Variants in DEPTOR observed in about 807,000 individuals in gnomAD.
The protein encoded by DEPTOR is DEP domain-containing mTOR-interacting protein.
DEPTOR carries 41 observed loss-of-function variants against 41.6 expected under a neutral mutation model. That is an observed-to-expected ratio of 0.98 (90% CI 0.77 to 1.28). The LOEUF is 1.28. Ranked by LOEUF, DEPTOR falls within the 50% of genes most tolerant of loss-of-function variation. The probability of loss-of-function intolerance (pLI) is 0.00; values close to 1 mark genes in which losing one functional copy is unlikely to be tolerated. For missense variants in DEPTOR, 514 were observed against 527.9 expected, an observed-to-expected ratio of 0.97 and a Z score of 0.26; for synonymous variants, 195 against 192.3, an observed-to-expected ratio of 1.01 and a Z score of -0.12.
At chr8:120,038,089 C>T (rs1482161412) in intron 8 of DEPTOR, among the ~76,000 whole-genome samples, 1 of 146,926 alleles carries the variant, frequency 6.8e-6, no homozygotes, top group Non-Finnish European at 1.5e-5. Context: ...CAACATGATG[C>T]AACCCCTGTC....
chr8:119,991,080 TTC>T (rs1812160377), intron 4 of DEPTOR, among the ~76,000 whole-genome samples: 2 of 75,888 alleles, frequency 2.6e-5, no homozygotes, highest in Admixed American at 1.6e-4. Context: ...CTTTCTTTCT[TTC>T]TTTCTTTTTC....
At chr8:120,044,235 C>G (rs1475931940) in intron 8 of DEPTOR, among the ~76,000 whole-genome samples, 1 of 151,750 alleles carries the variant, frequency 6.6e-6, no homozygotes, top group African/African-American at 2.4e-5. Context: ...AAGTGATTCT[C>G]CTGCCTCAGC....
At chr8:120,049,514 T>G in intron 8 of DEPTOR, 62 bp from the exon 9 acceptor site, 1 of 1,581,070 alleles carries the variant, frequency 6.3e-7, no homozygotes, top group Non-Finnish European at 8.6e-7. Context: ...ACTGTCTTTA[T>G]TAAAGCTTTG....
intron 8 of DEPTOR, among the ~76,000 whole-genome samples, chr8:120,041,218 G>A (rs1189816826): frequency 1.3e-5 from 2 of 152,162 alleles, no homozygotes; most frequent in Non-Finnish European, 2.9e-5. Flanking sequence ...AATCATAGGT[G>A]TAGTGTTTCT....
intron 1 of DEPTOR, among the ~76,000 whole-genome samples, chr8:119,894,791 C>T (rs1028658579): frequency 3.9e-5 from 6 of 152,126 alleles, no homozygotes; most frequent in African/African-American, 1.2e-4. Context: ...GGGAATTGGA[C>T]TTTCATAGAA....
chr8:119,966,736 C>T (rs4871818), intron 4 of DEPTOR, among the ~76,000 whole-genome samples: 7,624 of 152,152 alleles, frequency 0.05, 297 homozygotes, highest in South Asian at 0.17. Context: ...CTTGGCCTCC[C>T]GAAGAACTGG....
intron 8 of DEPTOR, among the ~76,000 whole-genome samples, chr8:120,034,599 C>T (rs1171985690): frequency 1.3e-5 from 2 of 151,840 alleles, no homozygotes; most frequent in African/African-American, 4.8e-5. Context: ...AGGCGCCAGC[C>T]ACCACGCCTG....
chr8:119,901,537 G>A (rs929249909), intron 1 of DEPTOR, among the ~76,000 whole-genome samples: 1 of 152,058 alleles, frequency 6.6e-6, no homozygotes, highest in African/African-American at 2.4e-5. Context: ...TTAGCTGTGT[G>A]TGGTGGCATG....
chr8:119,879,914 C>T (rs980219952), intron 1 of DEPTOR, among the ~76,000 whole-genome samples: 6 of 152,066 alleles, frequency 3.9e-5, no homozygotes, highest in African/African-American at 1.2e-4. Context: ...TAGGCTGAGG[C>T]GAGTGGATCA....
chr8:119,933,832 CTG>C (rs1828075880), intron 3 of DEPTOR, among the ~76,000 whole-genome samples: 1 of 152,056 alleles, frequency 6.6e-6, no homozygotes, highest in African/African-American at 2.4e-5. Context: ...TGGTTTCTGA[CTG>C]AGGTTTTGCT....
At chr8:120,000,442 A>G (rs1293135132) in intron 4 of DEPTOR, among the ~76,000 whole-genome samples, 1 of 152,026 alleles carries the variant, frequency 6.6e-6, no homozygotes, top group Non-Finnish European at 1.5e-5. Context: ...CTGTAAGTCT[A>G]TAATTATTTC....
intron 1 of DEPTOR, among the ~76,000 whole-genome samples, chr8:119,878,623 G>T (rs577877943): frequency 2.0e-5 from 3 of 151,716 alleles, no homozygotes; most frequent in African/African-American, 7.3e-5. Context: ...CACCATGCCC[G>T]GCCAATCCTC....
chr8:119,924,805 C>T (rs1827943652), intron 1 of DEPTOR, among the ~76,000 whole-genome samples: 2 of 151,944 alleles, frequency 1.3e-5, no homozygotes, highest in Admixed American at 1.3e-4. Flanking sequence ...CTGCATATTG[C>T]AGGGGTTTGG....
At chr8:119,995,555 C>A (rs1157338768) in intron 4 of DEPTOR, among the ~76,000 whole-genome samples, 1 of 149,374 alleles carries the variant, frequency 6.7e-6, no homozygotes, top group Non-Finnish European at 1.5e-5. Context: ...CACTGCACTC[C>A]AGCCTGGGTG....
chr8:119,991,029 C>CTTTTCT (rs138668477), intron 4 of DEPTOR, among the ~76,000 whole-genome samples: 29 of 45,806 alleles, frequency 6.3e-4, no homozygotes, highest in Admixed American at 1.3e-3. Flanking sequence ...CTCGGGTTTT[C>CTTTTCT]TTTTCTTTCT....
At chr8:119,928,190 C>T (rs902528965) in intron 1 of DEPTOR, among the ~76,000 whole-genome samples, 4 of 152,108 alleles carry the variant, frequency 2.6e-5, no homozygotes, top group African/African-American at 9.7e-5. Flanking sequence ...GTTTCACCCT[C>T]ATATTTACCT....
Position 119,979,003 on chromosome 8 carries a change from A to G in DEPTOR, c.604+13593A>G, listed in dbSNP as rs939323602. 1.4e-4 allele frequency among the ~76,000 whole-genome samples: 21 copies of G among 152,168 alleles called. 1 individual carries two copies. The highest frequency in any genetic ancestry group is 4.8e-4 in the African/African-American group (20 of 41,544). ...CCCCACTCCAGCCAGGAATGGATAA[A>G]CAAGTCCAAGTATGTTAATGCCAGG... is the stretch of plus-strand genomic sequence containing the variant. On this transcript the variant is annotated intron_variant, in intron 4 of 8. Transcript: ENST00000286234.
chr8:119,943,423 T>G (rs963842772), intron 3 of DEPTOR, among the ~76,000 whole-genome samples: 3 of 151,988 alleles, frequency 2.0e-5, no homozygotes, highest in South Asian at 2.1e-4. Context: ...GTGAGAGAGA[T>G]AGTAGGAGGA....
Position 119,929,930 on chromosome 8 carries a change from A to T in DEPTOR, c.417A>T (p.Leu139=), listed in dbSNP as rs747352876. The change falls in exon 3 of 9, where the codon CTA becomes CTT. Residue 139 remains leucine (L), a synonymous_variant. Transcript: ENST00000286234. Reference sequence around the variant, plus strand: ...AGGCCTTTATGAGAGGACAGAGGCTATATGAAAAGTATGTTCCGCATGAAA... The same window carrying T: ...AGGCCTTTATGAGAGGACAGAGGCTTTATGAAAAGTATGTTCCGCATGAAA... The part of the protein sequence containing the change: ...EVKAFMRGQR[L]YEKLMSPENT... The T allele has an allele frequency of 6.2e-7, 1 of 1,611,958 alleles. No individual in the cohort carries two copies. Among genetic ancestry groups the T allele is most frequent in the Non-Finnish European group, 8.5e-7 (1 of 1,178,478 alleles).
Sources: gnomAD v4.1 joint callset for allele counts (sites outside exome capture counted in the v4.1 genomes callset) on GRCh38, gnomAD v4.1.1 for gene constraint, MANE v1.5 for transcripts, NCBI Gene and HGNC (gene_info 2026-07-23, HGNC 2026-07-21) for gene names.